Variants in CDON observed in about 807,000 individuals in gnomAD.
CDON encodes the protein cell adhesion molecule-related/down-regulated by oncogenes.
Under a neutral mutation model 120.9 loss-of-function variants are expected in CDON, and 73 were observed. The ratio of observed to expected loss-of-function variants is 0.60; its 90% CI spans 0.50 to 0.73. The LOEUF is 0.73. CDON is among the 30% of genes least tolerant of loss of function. CDON has a pLI of 0.00. For missense variants in CDON, 1,470 were observed against 1,587.3 expected (o/e 0.93, Z 1.26); for synonymous variants, 566 against 573.5 (o/e 0.99, Z 0.19).
chr11:125,994,768 A>G (rs1946730751), intron 13 of CDON, 103 bp downstream of exon 13: 1 of 1,041,778 alleles, frequency 9.6e-7, no homozygotes, highest in African/African-American at 1.6e-5. Flanking sequence ...CCCTCAATTA[A>G]AAGTTCAAAA....
chr11:125,998,794 C>T (rs768321649), intron 11 of CDON, among the ~76,000 whole-genome samples: 3 of 152,116 alleles, frequency 2.0e-5, no homozygotes, highest in African/African-American at 7.2e-5. Flanking sequence ...AGACATGAGC[C>T]GGTTTTTGAG....
intron 5 of CDON, among the ~76,000 whole-genome samples, chr11:126,017,642 C>T (rs755890959): frequency 2.0e-5 from 3 of 151,926 alleles, no homozygotes; most frequent in Admixed American, 6.6e-5. Flanking sequence ...TCAACTCAAC[C>T]GCCATAACCT....
intron 1 of CDON, among the ~76,000 whole-genome samples, chr11:126,045,894 TG>T (rs1191732962): frequency 6.6e-6 from 1 of 151,770 alleles, no homozygotes; most frequent in Non-Finnish European, 1.5e-5. Context: ...TGCTTAAATG[TG>T]GGAGGCAGAG....
intron 1 of CDON, among the ~76,000 whole-genome samples, chr11:126,037,822 GA>G (rs1023782603): frequency 5.3e-5 from 8 of 151,518 alleles, no homozygotes; most frequent in Non-Finnish European, 1.0e-4. Context: ...TCTGCAAAAG[GA>G]AAAAAAACTC....
chr11:125,980,975 A>G (rs1159020185), intron 17 of CDON, 74 bp downstream of exon 17: 14 of 1,478,184 alleles, frequency 9.5e-6, no homozygotes, highest in South Asian at 1.1e-5. Context: ...AACAAAGCCA[A>G]GCATGCTGTC....
At position 126,004,096 on chromosome 11, in the gene CDON, C is replaced by T; in HGVS notation, c.1852-20G>A. On this transcript the variant is annotated intron_variant, in intron 9 of 19. Transcript: ENST00000531738. ...ATCCAGCTGCCCAAGAGAAAACACA[C>T]CAGAAAAGAAAAGCAGGAGATGGAG... is the stretch of plus-strand genomic sequence containing the variant. 6.2e-7 allele frequency: 1 copy of T among 1,612,622 alleles called. No individual in the cohort carries two copies. Among genetic ancestry groups the T allele is most frequent in the Non-Finnish European group, 8.5e-7 (1 of 1,179,400 alleles).
intron 10 of CDON, 24 bp downstream of exon 10, chr11:126,003,878 C>G: frequency 6.2e-7 from 1 of 1,609,584 alleles, no homozygotes; most frequent in Non-Finnish European, 8.5e-7. Context: ...CCAGCTCATT[C>G]CTCCAAAGGA....
chr11:126,009,025 G>A (rs999513547), intron 8 of CDON, among the ~76,000 whole-genome samples: 3 of 152,192 alleles, frequency 2.0e-5, no homozygotes, highest in Non-Finnish European at 4.4e-5. Context: ...AACCCTATGA[G>A]TGGGGCACCT....
intron 15 of CDON, among the ~76,000 whole-genome samples, chr11:125,986,765 C>CAA (rs34891949): frequency 0.024 from 3,289 of 138,826 alleles, 135 homozygotes; most frequent in African/African-American, 0.078. Flanking sequence ...GACTCCATCT[C>CAA]AAAAAAAAAA....
At chr11:126,026,471 G>GCTAA in intron 1 of CDON, among the ~76,000 whole-genome samples, 1 of 152,280 alleles carries the variant, frequency 6.6e-6, no homozygotes, top group East Asian at 1.9e-4. Context: ...AAAGGTTAAT[G>GCTAA]CTAACCATTA....
At chr11:125,983,568 T>C (rs1946375141) in intron 16 of CDON, among the ~76,000 whole-genome samples, 1 of 152,194 alleles carries the variant, frequency 6.6e-6, no homozygotes. Flanking sequence ...AGGCTTCAAA[T>C]ATGCGTCCTC....
intron 14 of CDON, among the ~76,000 whole-genome samples, chr11:125,992,897 G>A (rs1433006395): frequency 6.6e-6 from 1 of 152,286 alleles, no homozygotes; most frequent in Admixed American, 6.5e-5. Flanking sequence ...GAATCTTGGA[G>A]TGCAAAAAAG....
chr11:125,960,647 T>C lies in CDON; in HGVS notation c.*295A>G. The C allele has an allele frequency of 2.4e-6, 1 of 416,258 alleles. No individual in the cohort carries two copies. Among genetic ancestry groups the C allele is most frequent in the East Asian group, 5.3e-5 (1 of 18,976 alleles). 25.8% of individuals were successfully genotyped at this position (416,258 alleles called of 1,614,324 possible). On this transcript the variant is annotated 3_prime_UTR_variant, in exon 20 of 20. Transcript: ENST00000531738. ...TTGCATGAGGAGCTCTTGCTGTCAC[T>C]ATAGCTGTTAGAAAACATGGAAGGA... is the stretch of plus-strand genomic sequence containing the variant.
chr11:125,997,318 T>C lies in CDON; in HGVS notation c.2251A>G (p.Ile751Val), dbSNP rs1356261423. 1 of 1,613,964 alleles carries C rather than the reference T, an allele frequency of 6.2e-7. No individual in the cohort carries two copies. Among genetic ancestry groups the C allele is most frequent in the African/African-American group, 1.3e-5 (1 of 74,914 alleles). ...TTATATTCGACTTTGAAGGCAGTGA[T>C]TGGAGAACCCCCGTTTGCCCGAGGA... ...WIPRANGGSP[I>V]TAFKVEYKRM... The change falls in exon 12 of 20, where the codon ATC (isoleucine) becomes GTC (valine). Residue 751 changes from isoleucine to valine, a missense_variant. Ile to Val is a conservative substitution (Grantham distance 29). Coordinates refer to ENST00000531738, the MANE Select transcript of CDON (RefSeq NM_001378964.1).
chr11:125,997,057 G>A (rs778897527), intron 12 of CDON, 150 bp downstream of exon 12: 9 of 695,984 alleles, frequency 1.3e-5, no homozygotes, highest in African/African-American at 7.1e-5. Context: ...AGTGCCTGTA[G>A]TCTCAGCTAC....
chr11:126,001,675 T>C, intron 11 of CDON, 44 bp downstream of exon 11: 1 of 1,581,342 alleles, frequency 6.3e-7, no homozygotes, highest in Non-Finnish European at 8.7e-7. Context: ...CTGAAGCAGG[T>C]CAGTTATATT....
chr11:126,007,337 CAG>C (rs1947156903), intron 8 of CDON, among the ~76,000 whole-genome samples: 1 of 152,190 alleles, frequency 6.6e-6, no homozygotes, highest in African/African-American at 2.4e-5. Context: ...CATCCTCCAT[CAG>C]AGAAAACAAG....
intron 1 of CDON, among the ~76,000 whole-genome samples, chr11:126,033,993 G>T (rs1948024080): frequency 6.6e-6 from 1 of 152,106 alleles, no homozygotes; most frequent in Non-Finnish European, 1.5e-5. Context: ...CAGGATCTCA[G>T]ACACCAAGGC....
chr11:126,031,502 C>T (rs890369110), intron 1 of CDON, among the ~76,000 whole-genome samples: 10 of 152,292 alleles, frequency 6.6e-5, no homozygotes, highest in African/African-American at 1.7e-4. Flanking sequence ...CTTTACACCA[C>T]GTCACGTAGA....
Sources: allele counts gnomAD v4.1 joint callset (sites outside exome capture counted in the v4.1 genomes callset), GRCh38; gene constraint gnomAD v4.1.1; transcripts MANE v1.5; gene names NCBI Gene and HGNC (gene_info 2026-07-23, HGNC 2026-07-21).